The following RERE variants were observed in gnomAD, a reference collection of about 807,000 sequenced individuals.
RERE encodes arginine-glutamic acid dipeptide repeats protein.
RERE carries 40 observed loss-of-function variants against 146.1 expected under a neutral mutation model. That is an observed-to-expected ratio of 0.27 (90% CI 0.21 to 0.36). The LOEUF is 0.36. Ranked by LOEUF, RERE falls within the 10% of genes least tolerant of loss-of-function variation. The pLI is 1.00. For synonymous variants in RERE, 1,003 were observed against 866.0 expected, an observed-to-expected ratio of 1.16 and a Z score of -2.78; for missense variants, 1,933 against 2,138.7, an observed-to-expected ratio of 0.90 and a Z score of 1.90.
chr1:8,637,930 T>G (rs1410292381), intron 2 of RERE, among the ~76,000 whole-genome samples: 2 of 152,190 alleles, frequency 1.3e-5, no homozygotes, highest in African/African-American at 4.8e-5. Context: ...TGAAATAAAT[T>G]TATCGATATT....
chr1:8,594,754 C>T (rs1321221776), intron 4 of RERE, among the ~76,000 whole-genome samples: 1 of 152,104 alleles, frequency 6.6e-6, no homozygotes, highest in Non-Finnish European at 1.5e-5. Context: ...TTCTGAGAAT[C>T]ACTGGCAATC....
intron 4 of RERE, among the ~76,000 whole-genome samples, chr1:8,573,013 G>C (rs927288636): frequency 4.6e-5 from 7 of 152,284 alleles, no homozygotes; most frequent in Non-Finnish European, 8.8e-5. Context: ...CCATACACCA[G>C]TTTCTCTACC....
At chr1:8,462,010 AT>A (rs1644533660) in intron 11 of RERE, among the ~76,000 whole-genome samples, 1 of 151,968 alleles carries the variant, frequency 6.6e-6, no homozygotes, top group Non-Finnish European at 1.5e-5. Flanking sequence ...ATGTTCAGCT[AT>A]TTTATTATGT....
chr1:8,671,421 T>C (rs1160548534), intron 1 of RERE, among the ~76,000 whole-genome samples: 1 of 152,204 alleles, frequency 6.6e-6, no homozygotes, highest in African/African-American at 2.4e-5. Context: ...ATACTGCATT[T>C]AATAAAATCC....
intron 7 of RERE, among the ~76,000 whole-genome samples, chr1:8,509,479 T>A (rs1052193307): frequency 6.6e-6 from 1 of 152,092 alleles, no homozygotes; most frequent in Admixed American, 6.5e-5. Flanking sequence ...AAGTACCTAC[T>A]ATAAGCCAGG....
intron 11 of RERE, among the ~76,000 whole-genome samples, chr1:8,449,846 T>C (rs1644369414): frequency 6.6e-6 from 1 of 152,182 alleles, no homozygotes; most frequent in Admixed American, 6.5e-5. Flanking sequence ...CTGACATGAA[T>C]GATCAGTGGT....
intron 12 of RERE, among the ~76,000 whole-genome samples, chr1:8,393,366 A>G (rs1642949824): frequency 1.3e-5 from 2 of 152,180 alleles, no homozygotes; most frequent in South Asian, 4.1e-4. Flanking sequence ...GGGGGCCCAA[A>G]GCCAGGAACC....
chr1:8,740,788 G>C (rs1250152260), intron 1 of RERE, among the ~76,000 whole-genome samples: 2 of 152,178 alleles, frequency 1.3e-5, no homozygotes, highest in Non-Finnish European at 2.9e-5. Flanking sequence ...AAGGTCTCCA[G>C]GGTCAATAAC....
intron 7 of RERE, among the ~76,000 whole-genome samples, chr1:8,515,328 C>T (rs1000117784): frequency 2.0e-5 from 3 of 152,014 alleles, no homozygotes; most frequent in Non-Finnish European, 4.4e-5. Flanking sequence ...CACCACTGCA[C>T]TCCAGCCTGG....
intron 12 of RERE, among the ~76,000 whole-genome samples, chr1:8,386,020 A>ATTTTTTTTTTTTTTTTT (rs1557603339): frequency 2.7e-5 from 1 of 36,698 alleles, no homozygotes; most frequent in Non-Finnish European, 4.5e-5. Flanking sequence ...ATATATATAT[A>ATTTTTTTTTTTTTTTTT]TATTTTTTTT....
intron 2 of RERE, among the ~76,000 whole-genome samples, chr1:8,645,978 A>G (rs1647287585): frequency 6.6e-6 from 1 of 152,260 alleles, no homozygotes; most frequent in African/African-American, 2.4e-5. Flanking sequence ...AAAGTTCACT[A>G]TAATGTGACT....
At chr1:8,500,669 C>A (rs2124258495) in intron 8 of RERE, among the ~76,000 whole-genome samples, 1 of 152,196 alleles carries the variant, frequency 6.6e-6, no homozygotes, top group African/African-American at 2.4e-5. Context: ...GCCTGGCCGC[C>A]CATCGTCTGG....
chr1:8,743,157 A>T (rs79644886), intron 1 of RERE, among the ~76,000 whole-genome samples: 12 of 151,952 alleles, frequency 7.9e-5, no homozygotes, highest in African/African-American at 2.9e-4. Context: ...GCACTTTGGG[A>T]GGCTAACATG....
intron 8 of RERE, among the ~76,000 whole-genome samples, chr1:8,505,589 G>T (rs1463382887): frequency 1.3e-5 from 2 of 152,098 alleles, no homozygotes; most frequent in African/African-American, 4.8e-5. Flanking sequence ...GGAGTGCAAT[G>T]GTGTGATCGT....
intron 12 of RERE, among the ~76,000 whole-genome samples, chr1:8,397,738 G>A (rs1239106716): frequency 6.6e-6 from 1 of 152,154 alleles, no homozygotes; most frequent in East Asian, 1.9e-4. Flanking sequence ...TATGCAGTAA[G>A]TTCCTGACTC....
chr1:8,615,399 A>T (rs565161344), intron 3 of RERE, among the ~76,000 whole-genome samples: 1 of 152,380 alleles, frequency 6.6e-6, no homozygotes, highest in East Asian at 1.9e-4. Context: ...TGTCTTTTTA[A>T]AATTAACTTT....
intron 10 of RERE, among the ~76,000 whole-genome samples, chr1:8,494,524 A>C (rs553861269): frequency 1.3e-5 from 2 of 152,262 alleles, no homozygotes; most frequent in South Asian, 4.1e-4. Flanking sequence ...CAGGAGATTG[A>C]GATCATCCTG....
chr1:8,781,680 A>C (rs1186350506), intron 1 of RERE, among the ~76,000 whole-genome samples: 1 of 151,140 alleles, frequency 6.6e-6, no homozygotes, highest in Non-Finnish European at 1.5e-5. Flanking sequence ...GATAAAGATT[A>C]AATTCATCTA....
intron 13 of RERE, among the ~76,000 whole-genome samples, chr1:8,365,180 A>G (rs1181292576): frequency 6.6e-6 from 1 of 152,160 alleles, no homozygotes; most frequent in East Asian, 1.9e-4. Flanking sequence ...AATCCTGAGA[A>G]ATTCCAACTT....
Sources: gnomAD v4.1 joint callset for allele counts (sites outside exome capture counted in the v4.1 genomes callset) on GRCh38, gnomAD v4.1.1 for gene constraint, MANE v1.5 for transcripts, NCBI Gene and HGNC (gene_info 2026-07-23, HGNC 2026-07-21) for gene names.